The following MAML3 variants were observed in gnomAD, a reference collection of about 807,000 sequenced individuals.
The protein encoded by MAML3 is mastermind like transcriptional coactivator 3.
Under a neutral mutation model 101.9 loss-of-function variants are expected in MAML3, and 27 were observed. The ratio of observed to expected loss-of-function variants is 0.27; its 90% CI spans 0.20 to 0.37. The LOEUF is 0.37. MAML3 is among the 10% of genes least tolerant of loss of function. The probability of loss-of-function intolerance (pLI) is 1.00; values close to 1 mark genes in which losing one functional copy is unlikely to be tolerated. For synonymous variants in MAML3, 501 were observed against 555.9 expected, an observed-to-expected ratio of 0.90 and a Z score of 1.39; for missense variants, 1,316 against 1,444.9, an observed-to-expected ratio of 0.91 and a Z score of 1.45.
chr4:139,734,041 C>T (rs991159998), intron 2 of MAML3, among the ~76,000 whole-genome samples: 3 of 152,162 alleles, frequency 2.0e-5, no homozygotes, highest in African/African-American at 4.8e-5. Flanking sequence ...ATCTTTAGTT[C>T]GCAACAAAGC....
intron 2 of MAML3, among the ~76,000 whole-genome samples, chr4:139,766,063 G>A (rs1351525337): frequency 2.0e-5 from 3 of 151,558 alleles, no homozygotes; most frequent in Admixed American, 1.3e-4. Context: ...GCAAGGTGTT[G>A]TGTATTTCTT....
At chr4:140,109,560 C>T (rs1369875342) in intron 1 of MAML3, among the ~76,000 whole-genome samples, 1 of 152,180 alleles carries the variant, frequency 6.6e-6, no homozygotes, top group Admixed American at 6.5e-5. Flanking sequence ...AGCCACGCAA[C>T]ACCCAGAAAC....
intron 1 of MAML3, among the ~76,000 whole-genome samples, chr4:140,150,448 A>T (rs1239469247): frequency 1.3e-5 from 2 of 152,144 alleles, no homozygotes; most frequent in Non-Finnish European, 2.9e-5. Context: ...CTGGTCGCAA[A>T]CTCTACTCAT....
chr4:139,952,027 T>A (rs948284718), intron 1 of MAML3, among the ~76,000 whole-genome samples: 27 of 152,060 alleles, frequency 1.8e-4, no homozygotes, highest in African/African-American at 6.5e-4. Context: ...TAGCCGTGTG[T>A]AGCGGCGGGT....
chr4:139,872,140 T>C (rs1226088654), intron 2 of MAML3, among the ~76,000 whole-genome samples: 1 of 152,194 alleles, frequency 6.6e-6, no homozygotes, highest in Non-Finnish European at 1.5e-5. Context: ...ACCCTTGCAT[T>C]TGATCATTGT....
At chr4:139,888,413 C>T (rs900297372) in intron 2 of MAML3, among the ~76,000 whole-genome samples, 20 of 152,278 alleles carry the variant, frequency 1.3e-4, no homozygotes, top group African/African-American at 4.3e-4. Context: ...CAGCAACTGG[C>T]AGTAAGATGA....
At chr4:139,766,587 C>T (rs997495223) in intron 2 of MAML3, among the ~76,000 whole-genome samples, 2 of 152,164 alleles carry the variant, frequency 1.3e-5, no homozygotes, top group African/African-American at 4.8e-5. Flanking sequence ...GGGCTTGGCA[C>T]CTATGGTAAC....
intron 1 of MAML3, among the ~76,000 whole-genome samples, chr4:140,094,459 A>G (rs1249697758): frequency 6.6e-6 from 1 of 152,230 alleles, no homozygotes; most frequent in Non-Finnish European, 1.5e-5. Context: ...GCGACCGCCA[A>G]CCATGGCCAG....
chr4:140,009,931 A>C (rs73855364), intron 1 of MAML3, among the ~76,000 whole-genome samples: 3,159 of 152,316 alleles, frequency 0.021, 104 homozygotes, highest in African/African-American at 0.072. Flanking sequence ...CCACTGGTTT[A>C]GCAAATGGCT....
At chr4:139,865,597 C>T (rs951105479) in intron 2 of MAML3, among the ~76,000 whole-genome samples, 1 of 150,416 alleles carries the variant, frequency 6.6e-6, no homozygotes, top group Non-Finnish European at 1.5e-5. Context: ...TTCTTTTCAT[C>T]AGCCTCTTTT....
At chr4:139,736,997 G>A (rs1340866488) in intron 2 of MAML3, among the ~76,000 whole-genome samples, 2 of 152,154 alleles carry the variant, frequency 1.3e-5, no homozygotes, top group Non-Finnish European at 2.9e-5. Context: ...ATTCTGAAAG[G>A]AGCCCATGGC....
At chr4:139,823,717 C>T (rs540873331) in intron 2 of MAML3, among the ~76,000 whole-genome samples, 18 of 151,238 alleles carry the variant, frequency 1.2e-4, no homozygotes, top group Non-Finnish European at 2.4e-4. Flanking sequence ...GTAATTTACA[C>T]TCATTCATGA....
At chr4:139,772,579 G>T (rs2111069723) in intron 2 of MAML3, among the ~76,000 whole-genome samples, 1 of 151,714 alleles carries the variant, frequency 6.6e-6, no homozygotes, top group East Asian at 2.0e-4. Context: ...CTGACCTCAG[G>T]TAATCCACCT....
At chr4:139,972,262 G>A (rs1560853420) in intron 1 of MAML3, among the ~76,000 whole-genome samples, 2 of 152,126 alleles carry the variant, frequency 1.3e-5, no homozygotes, top group African/African-American at 2.4e-5. Flanking sequence ...AATACCAGGT[G>A]TCTATTAAGG....
chr4:139,999,487 T>C (rs904807468), intron 1 of MAML3, among the ~76,000 whole-genome samples: 3 of 152,230 alleles, frequency 2.0e-5, no homozygotes, highest in African/African-American at 7.2e-5. Context: ...CCGATTGTCG[T>C]ATGCCTTATT....
intron 1 of MAML3, among the ~76,000 whole-genome samples, chr4:139,942,679 T>A (rs1309487038): frequency 6.6e-6 from 1 of 152,038 alleles, no homozygotes; most frequent in African/African-American, 2.4e-5. Flanking sequence ...ATACTCCTAA[T>A]ATTAATTATA....
Position 139,890,152 on chromosome 4 carries a change from G to C in MAML3, c.1284C>G (p.Gly428=). ...CATTTCCAGGCCGAGGTGGAGCTTG[G>C]CCTGGAGTGTGGGCTTGGTTTGGAG... The part of the protein sequence containing the change: ...PQTPNQAHTP[G]QAPPRPGNGY... The change falls in exon 2 of 5, where the codon GGC becomes GGG. Residue 428 remains glycine (G), a synonymous_variant. Transcript: ENST00000509479. The surrounding 1 kb of genome is among the most constrained non-coding windows in gnomAD (Gnocchi z 4.1). The C allele has an allele frequency of 6.2e-7, 1 of 1,613,624 alleles. No individual in the cohort carries two copies. The highest frequency in any genetic ancestry group is 8.5e-7 in the Non-Finnish European group (1 of 1,179,884).
At chr4:139,784,419 T>A (rs1032151910) in intron 2 of MAML3, among the ~76,000 whole-genome samples, 7 of 152,176 alleles carry the variant, frequency 4.6e-5, no homozygotes, top group African/African-American at 1.7e-4. Flanking sequence ...TTTAGGTGGC[T>A]TCCACTGCAG....
chr4:139,812,380 C>T lies in MAML3; in HGVS notation c.2079+76977G>A, dbSNP rs187524663. Reference sequence around the variant, plus strand: ...TAGAAGTCGTAGACCCTGAGACCTTCTCCCTCATCCCTCATTCCGTGCATA... The same window carrying T: ...TAGAAGTCGTAGACCCTGAGACCTTTTCCCTCATCCCTCATTCCGTGCATA... On this transcript the variant is annotated intron_variant, in intron 2 of 4. Transcript: ENST00000509479. Among the ~76,000 whole-genome samples, 918 of 151,570 alleles carry T rather than the reference C, an allele frequency of 6.1e-3. 12 individuals carry two copies. Among genetic ancestry groups the T allele is most frequent in the African/African-American group, 0.021 (863 of 41,546 alleles).
Sources: gnomAD v4.1 joint callset for allele counts (sites outside exome capture counted in the v4.1 genomes callset) on GRCh38, gnomAD v4.1.1 for gene constraint, Gnocchi (gnomAD v3.1) non-coding constraint, MANE v1.5 for transcripts, NCBI Gene and HGNC (gene_info 2026-07-23, HGNC 2026-07-21) for gene names.